The following CSGALNACT1 variants were observed in gnomAD, a reference collection of about 807,000 sequenced individuals.
The protein encoded by CSGALNACT1 is beta4GalNAcT-1.
In CSGALNACT1, 52 loss-of-function variants were observed where a neutral mutation model predicts 51.0. The observed-to-expected ratio is 1.02, with a 90% CI of 0.82 to 1.29. The LOEUF is 1.29. Among genes scored for constraint, CSGALNACT1 ranks in the 50% most tolerant of loss-of-function variants. The pLI is 0.00. For synonymous variants in CSGALNACT1, 341 were observed against 254.4 expected, an observed-to-expected ratio of 1.34 and a Z score of -3.24; for missense variants, 935 against 679.2, an observed-to-expected ratio of 1.38 and a Z score of -4.19.
intron 1 of CSGALNACT1, among the ~76,000 whole-genome samples, chr8:19,676,721 G>C (rs552078316): frequency 1.3e-5 from 2 of 151,814 alleles, no homozygotes; most frequent in South Asian, 2.1e-4. Flanking sequence ...AAAAAGCCTC[G>C]GGAGCCGCAC....
At chr8:19,627,221 G>A (rs548969552) in intron 1 of CSGALNACT1, among the ~76,000 whole-genome samples, 3 of 152,050 alleles carry the variant, frequency 2.0e-5, no homozygotes, top group Non-Finnish European at 4.4e-5. Context: ...GCAACAAAAA[G>A]CAATCAACCA....
intron 1 of CSGALNACT1, among the ~76,000 whole-genome samples, chr8:19,659,498 C>A (rs2058581790): frequency 6.6e-6 from 1 of 152,186 alleles, no homozygotes; most frequent in Non-Finnish European, 1.5e-5. Context: ...GACTATTTCC[C>A]AGGCATAGAA....
intron 3 of CSGALNACT1, among the ~76,000 whole-genome samples, chr8:19,529,380 C>T (rs571586336): frequency 4.6e-5 from 7 of 152,130 alleles, no homozygotes; most frequent in Non-Finnish European, 5.9e-5. Context: ...GGGCCTTGAC[C>T]ACTACTGGGC....
At chr8:19,641,081 T>C (rs546492890) in intron 1 of CSGALNACT1, among the ~76,000 whole-genome samples, 2 of 151,034 alleles carry the variant, frequency 1.3e-5, no homozygotes, top group Middle Eastern at 3.5e-3. Flanking sequence ...TTCTCAAGTC[T>C]CCCAGGGATG....
In CSGALNACT1 at chr8:19,645,645, G is replaced by C. The variant is rs199878038; in HGVS notation, c.-544+36828C>G. ...GCTTGCCTACCAACGAATGGAAGCT[G>C]TAAGTCCATTATGAAAGACTGGACT... On this transcript the variant is annotated intron_variant, in intron 1 of 9. Coordinates refer to the CSGALNACT1 transcript ENST00000332246. Among the ~76,000 whole-genome samples the C allele has an allele frequency of 4.6e-5, 7 of 152,374 alleles. No individual in the cohort carries two copies. In the East Asian group the frequency reaches 1.3e-3, roughly 29 times the overall value.
At chr8:19,748,009 C>G (rs1408530236) in intron 1 of CSGALNACT1, among the ~76,000 whole-genome samples, 1 of 152,072 alleles carries the variant, frequency 6.6e-6, no homozygotes, top group Non-Finnish European at 1.5e-5. Flanking sequence ...CTGCAAAATA[C>G]AAGTCTCCTC....
chr8:19,614,802 C>T (rs1337139350), intron 1 of CSGALNACT1, among the ~76,000 whole-genome samples: 1 of 152,196 alleles, frequency 6.6e-6, no homozygotes, highest in South Asian at 2.1e-4. Flanking sequence ...AAAGACACAA[C>T]AATTCAGAGC....
intron 3 of CSGALNACT1, among the ~76,000 whole-genome samples, chr8:19,578,869 C>T (rs941082983): frequency 3.3e-5 from 5 of 152,146 alleles, no homozygotes; most frequent in Non-Finnish European, 7.3e-5. Context: ...ATCAAGACCA[C>T]GTCGACCCTG....
intron 1 of CSGALNACT1, among the ~76,000 whole-genome samples, chr8:19,663,864 T>C (rs991208639): frequency 1.3e-5 from 2 of 152,254 alleles, no homozygotes; most frequent in Non-Finnish European, 2.9e-5. Flanking sequence ...TCTTCATGTT[T>C]GATATGGTCC....
Position 19,610,057 on chromosome 8 carries a change from A to G in CSGALNACT1, c.-543-8192T>C, listed in dbSNP as rs1037676041. Among the ~76,000 whole-genome samples, 16 of 152,062 alleles carry G rather than the reference A, an allele frequency of 1.1e-4. 1 individual carries two copies. The highest frequency in any genetic ancestry group is 5.8e-4 in the East Asian group (3 of 5,130). ...GCTAAGATGGTGAAACCCCGTCTCT[A>G]CTAAAAATACAAAAGTTAGCCGGGC... On this transcript the variant is annotated intron_variant, in intron 1 of 9. Coordinates refer to the CSGALNACT1 transcript ENST00000332246.
At chr8:19,643,943 G>GAATC (rs2056997342) in intron 1 of CSGALNACT1, among the ~76,000 whole-genome samples, 1 of 152,120 alleles carries the variant, frequency 6.6e-6, no homozygotes, top group South Asian at 2.1e-4. Flanking sequence ...TTACTTTGAG[G>GAATC]AATCAATCTA....
chr8:19,442,132 T>C (rs2061417245), intron 5 of CSGALNACT1, among the ~76,000 whole-genome samples: 1 of 152,168 alleles, frequency 6.6e-6, no homozygotes, highest in Non-Finnish European at 1.5e-5. Context: ...GAATGTAAAC[T>C]AGTTCAACCA....
At chr8:19,514,791 C>G (rs1407336109) in intron 3 of CSGALNACT1, among the ~76,000 whole-genome samples, 2 of 151,604 alleles carry the variant, frequency 1.3e-5, no homozygotes. Flanking sequence ...TGAGATCACT[C>G]CACTGTACTC....
At chr8:19,442,771 G>C (rs2153768013) in intron 5 of CSGALNACT1, among the ~76,000 whole-genome samples, 1 of 151,894 alleles carries the variant, frequency 6.6e-6, no homozygotes. Context: ...AGTCCAGAGA[G>C]GATGAGACTA....
At position 19,757,090 on chromosome 8, in the gene CSGALNACT1, G is replaced by A. The variant is rs2065445475; in HGVS notation, c.-297+760C>T. 1 of 150,010 alleles carries A rather than the reference G, an allele frequency of 6.7e-6. No individual in the cohort carries two copies. Among genetic ancestry groups the A allele is most frequent in the Non-Finnish European group, 1.5e-5 (1 of 67,276 alleles). 9.3% of individuals were successfully genotyped at this position (150,010 alleles called of 1,614,324 possible). Reference sequence around the variant, plus strand: ...CCGAGGTCGCGGGGTGGGCGGGCGCGAGCTAGGCGCGCGGGGCTGTGGGGA... The same window carrying A: ...CCGAGGTCGCGGGGTGGGCGGGCGCAAGCTAGGCGCGCGGGGCTGTGGGGA... On this transcript the variant is annotated intron_variant, in intron 1 of 1. Transcript: ENST00000517494. This position sits in a 1 kb window ranked among gnomAD's most constrained non-coding sequence, Gnocchi z 4.0.
chr8:19,652,863 C>T (rs994077802), intron 1 of CSGALNACT1, among the ~76,000 whole-genome samples: 3 of 152,176 alleles, frequency 2.0e-5, no homozygotes, highest in Admixed American at 1.3e-4. Context: ...CCCTCTCATC[C>T]TCGGTTTACC....
intron 1 of CSGALNACT1, among the ~76,000 whole-genome samples, chr8:19,721,060 T>G (rs980254770): frequency 1.3e-5 from 2 of 152,208 alleles, no homozygotes; most frequent in Non-Finnish European, 2.9e-5. Context: ...CAAGAATCAG[T>G]GACCAAACAG....
chr8:19,454,788 G>A (rs1203882238), intron 5 of CSGALNACT1, among the ~76,000 whole-genome samples: 1 of 113,170 alleles, frequency 8.8e-6, no homozygotes, highest in Non-Finnish European at 1.9e-5. Context: ...ACAAAATGTA[G>A]TAAAAAAAAA....
intron 1 of CSGALNACT1, among the ~76,000 whole-genome samples, chr8:19,700,918 T>A (rs988191696): frequency 6.6e-6 from 1 of 152,092 alleles, no homozygotes; most frequent in Non-Finnish European, 1.5e-5. Context: ...TTGGAGAAAT[T>A]ACCTTTCCCA....
Sources: gnomAD v4.1 joint callset for allele counts (sites outside exome capture counted in the v4.1 genomes callset) on GRCh38, gnomAD v4.1.1 for gene constraint, Gnocchi (gnomAD v3.1) non-coding constraint, MANE v1.5 for transcripts, NCBI Gene and HGNC (gene_info 2026-07-23, HGNC 2026-07-21) for gene names.